The following CDH4 variants were observed in gnomAD, a reference collection of about 807,000 sequenced individuals.
The protein encoded by CDH4 is cadherin 4, also known as cadherin-4.
In CDH4, 33 loss-of-function variants were observed where a neutral mutation model predicts 86.0. The ratio of observed to expected loss-of-function variants is 0.38; its 90% confidence interval spans 0.29 to 0.51. CDH4 has a LOEUF of 0.51. Among genes scored for constraint, CDH4 ranks in the 20% least tolerant of loss-of-function variants. The pLI, the probability that CDH4 is intolerant of heterozygous loss-of-function variation, is 0.86. For missense variants in CDH4, 1,114 were observed against 1,307.4 expected (o/e 0.85, Z 2.28); for synonymous variants, 555 against 549.4 (o/e 1.01, Z -0.14).
chr20:61,596,311 A>G (rs1177723164), intron 2 of CDH4, among the ~76,000 whole-genome samples: 1 of 152,212 alleles, frequency 6.6e-6, no homozygotes, highest in Non-Finnish European at 1.5e-5. Context: ...GTGGTGCACA[A>G]TTGGTGGCTG....
chr20:61,619,033 C>G (rs547801074), intron 2 of CDH4, among the ~76,000 whole-genome samples: 1 of 152,348 alleles, frequency 6.6e-6, no homozygotes, highest in East Asian at 1.9e-4. Flanking sequence ...TCCAGAGCAG[C>G]AAGTCTTGGC....
intron 2 of CDH4, among the ~76,000 whole-genome samples, chr20:61,416,173 TG>T (rs1418971163): frequency 7.2e-5 from 11 of 152,094 alleles, no homozygotes; most frequent in African/African-American, 2.7e-4. Flanking sequence ...GGCTAATTTT[TG>T]TATCTTTAGT....
intron 6 of CDH4, among the ~76,000 whole-genome samples, chr20:61,860,802 G>C (rs1983289125): frequency 6.6e-6 from 1 of 152,148 alleles, no homozygotes; most frequent in Admixed American, 6.5e-5. Flanking sequence ...CCCACAGGCT[G>C]TGTTTCCCAA....
intron 2 of CDH4, among the ~76,000 whole-genome samples, chr20:61,691,429 G>A (rs555744087): frequency 1.5e-4 from 22 of 151,142 alleles, no homozygotes; most frequent in South Asian, 2.1e-4. Context: ...GTGTGTGTGC[G>A]TGTGCATGTG....
intron 9 of CDH4, among the ~76,000 whole-genome samples, chr20:61,910,839 C>T (rs1402898353): frequency 6.6e-6 from 1 of 152,166 alleles, no homozygotes; most frequent in Non-Finnish European, 1.5e-5. Flanking sequence ...ATTCCCTTTT[C>T]AATGTCTATA....
chr20:61,292,149 A>G (rs1029853596), intron 2 of CDH4, among the ~76,000 whole-genome samples: 1 of 152,210 alleles, frequency 6.6e-6, no homozygotes, highest in African/African-American at 2.4e-5. Context: ...ACCCAGAGGA[A>G]TGTAAATCAT....
chr20:61,731,126 C>G (rs1398887785), intron 2 of CDH4, among the ~76,000 whole-genome samples: 1 of 152,060 alleles, frequency 6.6e-6, no homozygotes, highest in East Asian at 1.9e-4. Flanking sequence ...CGGCAGGGTC[C>G]TCTCATCTGC....
chr20:61,486,001 A>G (rs2085594437), intron 2 of CDH4, among the ~76,000 whole-genome samples: 1 of 152,172 alleles, frequency 6.6e-6, no homozygotes, highest in Non-Finnish European at 1.5e-5. Context: ...ATTTTACTGG[A>G]TTGGGGTGCC....
At chr20:61,355,224 AG>A (rs1428734392) in intron 2 of CDH4, among the ~76,000 whole-genome samples, 3 of 152,196 alleles carry the variant, frequency 2.0e-5, no homozygotes, top group African/African-American at 7.2e-5. Flanking sequence ...CCTTGAAAAA[AG>A]CTCTGAGTCA....
intron 2 of CDH4, among the ~76,000 whole-genome samples, chr20:61,539,453 G>A (rs1277761417): frequency 6.6e-6 from 1 of 152,184 alleles, no homozygotes; most frequent in Non-Finnish European, 1.5e-5. Context: ...TCTTCTCCCT[G>A]TGTCCTCACG....
At chr20:61,936,638 C>A (rs2123025362) in intron 15 of CDH4, 99 bp from the exon 16 acceptor site, 1 of 954,516 alleles carries the variant, frequency 1.0e-6, no homozygotes, top group East Asian at 3.1e-5. Flanking sequence ...CAACGTCCTA[C>A]CTCCCTACCT....
In CDH4 at chr20:61,933,106, C is replaced by T. The variant is rs778035735; in HGVS notation, c.2361C>T (p.Gly787=). Residue 787 remains glycine, a synonymous_variant, in exon 14 of 16, where the codon GGC becomes GGT. Transcript: ENST00000614565. ...RDNILKYDEE[G]GGEEDQDYDL... Reference sequence around the variant, plus strand: ...ACATCCTCAAGTATGACGAGGAAGGCGGTGGCGAGGAGGACCAGGTGAGAC... The same window carrying T: ...ACATCCTCAAGTATGACGAGGAAGGTGGTGGCGAGGAGGACCAGGTGAGAC... The T allele has an allele frequency of 2.7e-5, 43 of 1,612,818 alleles. No individual in the cohort carries two copies. The East Asian group carries it at 3.8e-4, about 14-fold the overall frequency.
chr20:61,405,323 T>C (rs2085075978), intron 2 of CDH4, among the ~76,000 whole-genome samples: 1 of 151,788 alleles, frequency 6.6e-6, no homozygotes, highest in Non-Finnish European at 1.5e-5. Flanking sequence ...CTGATCACGC[T>C]AGTAGACATA....
Position 61,405,583 on chromosome 20 carries a change from G to C in CDH4, c.169+150646G>C, listed in dbSNP as rs111292056. 3.4e-3 allele frequency among the ~76,000 whole-genome samples: 523 copies of C among 152,168 alleles called. 3 individuals carry two copies. Among genetic ancestry groups the C allele is most frequent in the African/African-American group, 0.012 (479 of 41,506 alleles). ...CCACAGAGGGGAAAATGAAATCTGA[G>C]GCTGAAGTAGAAATAGAACCCAAGG... is the stretch of plus-strand genomic sequence containing the variant. On this transcript the variant is annotated intron_variant, in intron 2 of 15. Transcript: ENST00000614565.
At chr20:61,305,721 A>G (rs1207075759) in intron 2 of CDH4, among the ~76,000 whole-genome samples, 2 of 152,198 alleles carry the variant, frequency 1.3e-5, no homozygotes, top group Non-Finnish European at 2.9e-5. Flanking sequence ...CTGGGTTAAC[A>G]TCAAGATCGA....
chr20:61,579,554 TG>T (rs1430001648), intron 2 of CDH4, among the ~76,000 whole-genome samples: 1 of 152,110 alleles, frequency 6.6e-6, no homozygotes, highest in African/African-American at 2.4e-5. Context: ...CCCAAAGTGC[TG>T]GGATTACAGG....
chr20:61,327,568 T>C (rs2084543356), intron 2 of CDH4, among the ~76,000 whole-genome samples: 1 of 152,198 alleles, frequency 6.6e-6, no homozygotes, highest in Admixed American at 6.5e-5. Flanking sequence ...ACCTGTCAGA[T>C]TGGCGAAGAT....
intron 2 of CDH4, among the ~76,000 whole-genome samples, chr20:61,429,149 C>T (rs1219646665): frequency 6.6e-6 from 1 of 151,798 alleles, no homozygotes; most frequent in Non-Finnish European, 1.5e-5. Context: ...TCACTTTTCT[C>T]AGATACTGTT....
At chr20:61,466,607 G>A (rs1040207813) in intron 2 of CDH4, among the ~76,000 whole-genome samples, 1 of 152,092 alleles carries the variant, frequency 6.6e-6, no homozygotes, top group African/African-American at 2.4e-5. Context: ...ACTTTGGAAG[G>A]CCATGGTGGG....
Sources: gnomAD v4.1 joint callset for allele counts (sites outside exome capture counted in the v4.1 genomes callset) on GRCh38, gnomAD v4.1.1 for gene constraint, MANE v1.5 for transcripts, NCBI Gene and HGNC (gene_info 2026-07-23, HGNC 2026-07-21) for gene names.